Variants in CDH12 observed in about 807,000 individuals in gnomAD.
The protein encoded by CDH12 is cadherin 12.
Under a neutral mutation model 74.1 loss-of-function variants are expected in CDH12, and 41 were observed. The ratio of observed to expected loss-of-function variants is 0.55; its 90% CI spans 0.43 to 0.72. The LOEUF (loss-of-function observed/expected upper bound fraction) is 0.72, where lower values mean the gene tolerates loss of function less well. CDH12 is among the 30% of genes least tolerant of loss of function. The pLI is 0.00. For synonymous variants in CDH12, 399 were observed against 355.0 expected (o/e 1.12, Z -1.39); for missense variants, 945 against 977.2 (o/e 0.97, Z 0.44).
In CDH12 at chr5:22,435,267, C is replaced by G. The variant is rs924306033; in HGVS notation, c.-427-29916G>C. 4.6e-4 allele frequency among the ~76,000 whole-genome samples: 70 copies of G among 152,020 alleles called. 1 individual carries two copies. Among genetic ancestry groups the G allele is most frequent in the Non-Finnish European group, 2.9e-5 (2 of 68,000 alleles). On this transcript the variant is annotated intron_variant, in intron 2 of 14. Coordinates refer to ENST00000382254, the MANE Select transcript of CDH12 (RefSeq NM_004061.5). ...TTCTCCTGTACTGGATGCTTCCTGC[C>G]CTCGAACATCGGACTCCAAGTTCTT...
intron 1 of CDH12, among the ~76,000 whole-genome samples, chr5:22,609,784 A>G (rs538266664): frequency 6.6e-6 from 1 of 152,360 alleles, no homozygotes; most frequent in South Asian, 2.1e-4. Context: ...AAAGTGTGTC[A>G]TCTACTCAAT....
intron 10 of CDH12, among the ~76,000 whole-genome samples, chr5:21,791,141 T>C (rs768896735): frequency 6.6e-6 from 1 of 152,060 alleles, no homozygotes; most frequent in Admixed American, 6.6e-5. Flanking sequence ...GGTCTCAGAC[T>C]ACAGGCCTAA....
intron 1 of CDH12, among the ~76,000 whole-genome samples, chr5:22,644,456 C>CT (rs993534117): frequency 6.6e-6 from 1 of 151,984 alleles, no homozygotes; most frequent in Non-Finnish European, 1.5e-5. Context: ...GGCCCAAACT[C>CT]TAACTCTCTT....
chr5:22,796,819 C>T (rs200083277), intron 1 of CDH12, among the ~76,000 whole-genome samples: 1 of 101,628 alleles, frequency 9.8e-6, no homozygotes, highest in African/African-American at 5.1e-5. Flanking sequence ...CGCGCCCGGC[C>T]CAGATTTTTT....
At chr5:22,063,988 T>TACAC (rs10552100) in intron 5 of CDH12, among the ~76,000 whole-genome samples, 156 of 146,862 alleles carry the variant, frequency 1.1e-3, no homozygotes, top group African/African-American at 3.5e-3. Context: ...ATTATGGAGA[T>TACAC]ACACACACAC....
At chr5:22,209,461 A>C (rs1390689481) in intron 4 of CDH12, among the ~76,000 whole-genome samples, 5 of 152,166 alleles carry the variant, frequency 3.3e-5, no homozygotes, top group African/African-American at 9.7e-5. Context: ...GTTCCCCTTA[A>C]CTTCCTTTTA....
chr5:22,115,058 G>A (rs1215525026), intron 4 of CDH12, among the ~76,000 whole-genome samples: 1 of 152,066 alleles, frequency 6.6e-6, no homozygotes, highest in Admixed American at 6.6e-5. Context: ...ATAAATCCCA[G>A]GGTAATCTAC....
intron 4 of CDH12, among the ~76,000 whole-genome samples, chr5:22,080,157 G>A (rs572199108): frequency 7.3e-4 from 98 of 134,176 alleles, no homozygotes; most frequent in African/African-American, 3.1e-3. Context: ...CAAAACAAGA[G>A]AACTAAAATC....
At chr5:22,233,355 T>C (rs919990022) in intron 3 of CDH12, among the ~76,000 whole-genome samples, 1 of 152,056 alleles carries the variant, frequency 6.6e-6, no homozygotes, top group Non-Finnish European at 1.5e-5. Flanking sequence ...CGTATAATTC[T>C]GTATGTGACT....
chr5:22,758,026 C>A (rs952473608), intron 1 of CDH12, among the ~76,000 whole-genome samples: 1 of 152,118 alleles, frequency 6.6e-6, no homozygotes, highest in Non-Finnish European at 1.5e-5. Context: ...CTCTTTAAAT[C>A]TGTCTGCTCT....
intron 1 of CDH12, among the ~76,000 whole-genome samples, chr5:22,664,379 CA>C (rs1173227771): frequency 6.6e-6 from 1 of 152,074 alleles, no homozygotes; most frequent in Non-Finnish European, 1.5e-5. Flanking sequence ...ACCTTTTTCA[CA>C]AGGCAGCAGG....
intron 5 of CDH12, among the ~76,000 whole-genome samples, chr5:21,988,364 C>T (rs1442046690): frequency 2.4e-4 from 37 of 151,786 alleles, no homozygotes; most frequent in Middle Eastern, 3.4e-3. Flanking sequence ...TGGTGACGGA[C>T]GCCTGTAGTC....
chr5:21,886,871 C>A (rs1421446862), intron 6 of CDH12, among the ~76,000 whole-genome samples: 2 of 151,828 alleles, frequency 1.3e-5, no homozygotes. Flanking sequence ...GCATGATGAT[C>A]TTTGGTTTTT....
intron 1 of CDH12, among the ~76,000 whole-genome samples, chr5:22,736,033 T>C (rs1172581871): frequency 6.6e-6 from 1 of 151,866 alleles, no homozygotes; most frequent in East Asian, 1.9e-4. Context: ...CTAACAATTA[T>C]TTGACCATGT....
rs144410166 is a variant in CDH12, at chr5:21,904,212, T to C, written c.527-49422A>G. On this transcript the variant is annotated intron_variant, in intron 6 of 14. Coordinates refer to ENST00000382254, the MANE Select transcript of CDH12 (RefSeq NM_004061.5). ...GTGGTGTTTGGGTTCTTTTTCATTGTATAACACAGGATCTCAAAAAGTTTA... is the reference window on the plus strand; with the variant it reads ...GTGGTGTTTGGGTTCTTTTTCATTGCATAACACAGGATCTCAAAAAGTTTA... Among the ~76,000 whole-genome samples, 418 of 152,302 alleles carry C rather than the reference T, an allele frequency of 2.7e-3. 1 individual carries two copies. Among genetic ancestry groups the C allele is most frequent in the Middle Eastern group, 6.8e-3 (2 of 294 alleles).
At chr5:21,844,402 T>G (rs1003286335) in intron 7 of CDH12, among the ~76,000 whole-genome samples, 3 of 151,920 alleles carry the variant, frequency 2.0e-5, no homozygotes, top group African/African-American at 7.2e-5. Flanking sequence ...ACAGCGGTAC[T>G]TAAATGGAAG....
chr5:21,855,830 T>C (rs548705478), intron 6 of CDH12, among the ~76,000 whole-genome samples: 3 of 151,718 alleles, frequency 2.0e-5, no homozygotes, highest in East Asian at 1.9e-4. Flanking sequence ...GCAAACCATG[T>C]CTTCCTAGAT....
At chr5:21,995,172 G>A (rs2963509) in intron 5 of CDH12, among the ~76,000 whole-genome samples, 1 of 151,902 alleles carries the variant, frequency 6.6e-6, no homozygotes, top group African/African-American at 2.4e-5. Flanking sequence ...CACTCACCGC[G>A]ATCACGGCTT....
chr5:21,876,869 A>G lies in CDH12; in HGVS notation c.527-22079T>C, dbSNP rs184780299. On this transcript the variant is annotated intron_variant, in intron 6 of 14. Transcript: ENST00000382254. The stretch of plus-strand genomic sequence containing the variant: ...CTAAGATTCAGGGCTACTTCATATT[A>G]TGCCCTTTATACATGCTGTTGTCAA... 1.4e-3 allele frequency among the ~76,000 whole-genome samples: 218 copies of G among 152,336 alleles called. 1 individual carries two copies. The highest frequency in any genetic ancestry group is 6.6e-3 in the South Asian group (32 of 4,832).
Sources: gnomAD v4.1 joint callset for allele counts (sites outside exome capture counted in the v4.1 genomes callset) on GRCh38, gnomAD v4.1.1 for gene constraint, MANE v1.5 for transcripts, NCBI Gene and HGNC (gene_info 2026-07-23, HGNC 2026-07-21) for gene names.